The following WDR64 variants were observed in gnomAD, a reference collection of about 807,000 sequenced individuals.
The protein encoded by WDR64 is WD repeat-containing protein 64.
WDR64 carries 112 observed loss-of-function variants against 139.3 expected under a neutral mutation model. That is an observed-to-expected ratio of 0.80 (90% CI 0.69 to 0.94). The LOEUF (loss-of-function observed/expected upper bound fraction) is 0.94. Among genes scored for constraint, WDR64 ranks in the 40% least tolerant of loss-of-function variants. The pLI is 0.00. For synonymous variants in WDR64, 444 were observed against 437.7 expected, an observed-to-expected ratio of 1.01 and a Z score of -0.18; for missense variants, 1,206 against 1,293.1, an observed-to-expected ratio of 0.93 and a Z score of 1.03.
At chr1:241,690,977 T>A (rs1010775539) in intron 8 of WDR64, among the ~76,000 whole-genome samples, 1 of 152,168 alleles carries the variant, frequency 6.6e-6, no homozygotes, top group African/African-American at 2.4e-5. Flanking sequence ...ATTTGCTATG[T>A]GTAAGCAAAA....
At chr1:241,673,809 A>C (rs1375684438) in intron 3 of WDR64, among the ~76,000 whole-genome samples, 2 of 152,168 alleles carry the variant, frequency 1.3e-5, no homozygotes, top group African/African-American at 4.8e-5. Context: ...AGAAACATAA[A>C]AGTGTCTAGC....
At chr1:241,739,970 C>T (rs1253927373) in intron 11 of WDR64, among the ~76,000 whole-genome samples, 1 of 152,146 alleles carries the variant, frequency 6.6e-6, no homozygotes, top group Non-Finnish European at 1.5e-5. Flanking sequence ...GCTGCTGTCA[C>T]TGTTGTTATC....
chr1:241,719,607 GGT>G (rs889155927), intron 9 of WDR64, among the ~76,000 whole-genome samples: 8 of 152,024 alleles, frequency 5.3e-5, no homozygotes, highest in Non-Finnish European at 1.0e-4. Flanking sequence ...AAATTTGCCT[GGT>G]TTATAAATAC....
chr1:241,695,057 C>G (rs552094279), intron 8 of WDR64, among the ~76,000 whole-genome samples: 1 of 152,234 alleles, frequency 6.6e-6, no homozygotes, highest in South Asian at 2.1e-4. Flanking sequence ...AGGAATTAGG[C>G]AAGCCTGTTG....
At chr1:241,669,238 A>G (rs1459560301) in intron 2 of WDR64, among the ~76,000 whole-genome samples, 1 of 152,234 alleles carries the variant, frequency 6.6e-6, no homozygotes, top group African/African-American at 2.4e-5. Context: ...TTCATTGTAC[A>G]GTCTGAACCC....
At chr1:241,685,856 C>A (rs895344968) in intron 7 of WDR64, among the ~76,000 whole-genome samples, 3 of 152,230 alleles carry the variant, frequency 2.0e-5, no homozygotes, top group Non-Finnish European at 4.4e-5. Flanking sequence ...TTAAGCATTT[C>A]ATTCTAGTTA....
intron 8 of WDR64, among the ~76,000 whole-genome samples, chr1:241,697,521 T>C (rs952935410): frequency 6.6e-6 from 1 of 152,084 alleles, no homozygotes; most frequent in Non-Finnish European, 1.5e-5. Context: ...GGTGCAATCA[T>C]AGCTCACTCC....
chr1:241,728,494 T>G (rs1668941291), intron 10 of WDR64, among the ~76,000 whole-genome samples: 1 of 152,186 alleles, frequency 6.6e-6, no homozygotes, highest in African/African-American at 2.4e-5. Context: ...AGCATATAAA[T>G]CGCCATGCAT....
At position 241,753,453 on chromosome 1, in the gene WDR64, C is replaced by T. The variant is rs371173318; in HGVS notation, c.1770+3731C>T. 4.6e-5 allele frequency among the ~76,000 whole-genome samples: 7 copies of T among 152,312 alleles called. No individual in the cohort carries two copies. In the East Asian group the frequency reaches 1.2e-3, roughly 25 times the overall value. ...GCATGGTGGCTCACGCCTGTAATCT[C>T]AGCAGTTTGGAAGGCCAAGGCAGGC... On this transcript the variant is annotated intron_variant, in intron 14 of 27. Coordinates refer to ENST00000437684, the MANE Select transcript of WDR64 (RefSeq NM_001367482.1).
In WDR64 at chr1:241,703,563, A is replaced by C. The variant is rs984982401; in HGVS notation, c.975-8239A>C. Among the ~76,000 whole-genome samples the C allele has an allele frequency of 2.0e-5, 3 of 152,030 alleles. No homozygotes were observed. In the South Asian group the frequency reaches 6.2e-4, roughly 32 times the overall value. On this transcript the variant is annotated intron_variant, in intron 8 of 27. Coordinates refer to ENST00000437684, the MANE Select transcript of WDR64 (RefSeq NM_001367482.1). The surrounding 1 kb of genome is among the most constrained non-coding windows in gnomAD (Gnocchi z 5.9). Reference sequence around the variant, plus strand: ...GGGAAAAAGTCAGAATGAACTTCCCAGAATCAATACATTTCTATTCTGTGT... The same window carrying C: ...GGGAAAAAGTCAGAATGAACTTCCCCGAATCAATACATTTCTATTCTGTGT...
intron 8 of WDR64, among the ~76,000 whole-genome samples, chr1:241,689,406 T>C (rs896202512): frequency 1.3e-5 from 2 of 152,168 alleles, no homozygotes; most frequent in African/African-American, 2.4e-5. Context: ...AGATATACTA[T>C]GCTAAAACTT....
rs1025782551 is a variant in WDR64, at chr1:241,775,136, C to G, written c.2462C>G (p.Thr821Arg). 21 of 1,550,988 alleles carry G rather than the reference C, an allele frequency of 1.4e-5. No individual in the cohort carries two copies. Among genetic ancestry groups the G allele is most frequent in the Non-Finnish European group, 9.6e-6 (11 of 1,146,844 alleles). ...CTACTGAAAGATATGCTACCTTTCA[C>G]AAAACATTCTGCCATTTCTCTGACA... Reference protein sequence around the residue: ...GRLLKDMLPFTKHSAISLTSL... With the variant: ...GRLLKDMLPFRKHSAISLTSL... Residue 821 changes from threonine (T) to arginine (R), a missense_variant, in exon 21 of 28, where the codon ACA (threonine) becomes AGA (arginine). Coordinates refer to ENST00000437684, the MANE Select transcript of WDR64 (RefSeq NM_001367482.1).
At chr1:241,707,552 C>G (rs544016878) in intron 8 of WDR64, among the ~76,000 whole-genome samples, 1 of 152,324 alleles carries the variant, frequency 6.6e-6, no homozygotes, top group South Asian at 2.1e-4. Context: ...TCTCACCACC[C>G]ACCAGCCTGT....
intron 2 of WDR64, among the ~76,000 whole-genome samples, chr1:241,669,359 T>A (rs1666137714): frequency 6.6e-6 from 1 of 152,228 alleles, no homozygotes; most frequent in African/African-American, 2.4e-5. Flanking sequence ...GTTAACTGAA[T>A]AATGCATAAA....
chr1:241,747,314 G>T (rs775050473), intron 13 of WDR64, among the ~76,000 whole-genome samples: 3 of 152,096 alleles, frequency 2.0e-5, no homozygotes, highest in Non-Finnish European at 4.4e-5. Flanking sequence ...GGTAAAATCT[G>T]GACAAGGTCT....
In WDR64 at chr1:241,671,130, A is replaced by G; in HGVS notation, c.333A>G (p.Glu111=). The change falls in exon 3 of 28, where the codon GAA becomes GAG. Residue 111 remains glutamate (E), a synonymous_variant. Coordinates refer to ENST00000437684, the MANE Select transcript of WDR64 (RefSeq NM_001367482.1). ...EDPIASQLDE[E]NLVFFVSRKR... ...CTATTGCTTCCCAGTTGGATGAAGA[A>G]AATTTGGTTTTCTTTGTGTCTAGAA... 1 of 1,550,986 alleles carries G rather than the reference A, an allele frequency of 6.4e-7. No homozygotes were observed.
intron 2 of WDR64, among the ~76,000 whole-genome samples, chr1:241,663,370 T>A (rs1045031538): frequency 6.6e-6 from 1 of 152,208 alleles, no homozygotes; most frequent in Admixed American, 6.5e-5. Flanking sequence ...TGTGCTCACA[T>A]ATGGGCACCC....
At chr1:241,672,730 G>A (rs1324558789) in intron 3 of WDR64, among the ~76,000 whole-genome samples, 1 of 152,218 alleles carries the variant, frequency 6.6e-6, no homozygotes, top group East Asian at 1.9e-4. Context: ...TTTGAGGATG[G>A]GAGCATGGTG....
intron 23 of WDR64, among the ~76,000 whole-genome samples, chr1:241,783,634 GT>G (rs894462339): frequency 7.2e-5 from 11 of 152,142 alleles, no homozygotes; most frequent in Admixed American, 5.2e-4. Context: ...TAAAAGTGAA[GT>G]TTTTTTTGTA....
Sources: gnomAD v4.1 joint callset for allele counts (sites outside exome capture counted in the v4.1 genomes callset) on GRCh38, gnomAD v4.1.1 for gene constraint, Gnocchi (gnomAD v3.1) non-coding constraint, MANE v1.5 for transcripts, NCBI Gene and HGNC (gene_info 2026-07-23, HGNC 2026-07-21) for gene names.